Variants in CDC73 observed in about 807,000 individuals in gnomAD.
CDC73 encodes cell division cycle 73.
In CDC73, 21 loss-of-function variants were observed where a neutral mutation model predicts 83.7. The ratio of observed to expected loss-of-function variants is 0.25; its 90% CI spans 0.18 to 0.36. CDC73 has a LOEUF of 0.36. Among genes scored for constraint, CDC73 ranks in the 10% least tolerant of loss-of-function variants. CDC73 has a pLI of 1.00. For missense variants in CDC73, 342 were observed against 653.3 expected (o/e 0.52, Z 5.19); for synonymous variants, 224 against 212.9 (o/e 1.05, Z -0.45).
At chr1:193,160,141 AC>A (rs1280999426) in intron 10 of CDC73, among the ~76,000 whole-genome samples, 2 of 152,192 alleles carry the variant, frequency 1.3e-5, no homozygotes, top group African/African-American at 4.8e-5. Flanking sequence ...CTATTAGTTT[AC>A]CCAAAACATA....
In CDC73 at chr1:193,150,320, C is replaced by G. The variant is rs369024183; in HGVS notation, c.845C>G (p.Thr282Ser). 6.2e-7 allele frequency: 1 copy of G among 1,611,842 alleles called. No individual in the cohort carries two copies. Among genetic ancestry groups the G allele is most frequent in the East Asian group, 2.2e-5 (1 of 44,860 alleles). Residue 282 changes from threonine (T) to serine (S), a missense_variant, in exon 9 of 17, where the codon ACC (threonine) becomes AGC (serine). Transcript: ENST00000367435. ...TTTTTACAGGATCCCACTTTGCGCA[C>G]CAAACAGCCTATCCCAGCTGCCTAT... Reference protein sequence around the residue: ...NAAPVDPTLRTKQPIPAAYNR... With the variant: ...NAAPVDPTLRSKQPIPAAYNR...
intron 3 of CDC73, among the ~76,000 whole-genome samples, chr1:193,134,693 T>G (rs187363985): frequency 2.2e-4 from 33 of 152,242 alleles, no homozygotes; most frequent in Admixed American, 1.4e-3. Flanking sequence ...GGAAATGCTC[T>G]ACTTACTGAT....
At chr1:193,144,001 C>T (rs1053643938) in intron 7 of CDC73, among the ~76,000 whole-genome samples, 2 of 149,532 alleles carry the variant, frequency 1.3e-5, no homozygotes, top group African/African-American at 4.9e-5. Flanking sequence ...TCACAGCTAC[C>T]TGGGAGGCTG....
In CDC73 at chr1:193,254,117, CTT is replaced by C. The variant is rs886045735; in HGVS notation, c.*3409_*3410del. ...ATGCAAAATTATGAGTAAGATAAGTCTTTTTAAATTTTTTATTTTTAATTTTT... is the reference window on the plus strand; with the variant it reads ...ATGCAAAATTATGAGTAAGATAAGTCTTTAAATTTTTTATTTTTAATTTTT... On this transcript the variant is annotated 3_prime_UTR_variant, in exon 17 of 17. Coordinates refer to ENST00000367435, the MANE Select transcript of CDC73 (RefSeq NM_024529.5). Among the ~76,000 whole-genome samples the C allele has an allele frequency of 2.9e-4, 44 of 151,710 alleles. No individual in the cohort carries two copies. Among genetic ancestry groups the C allele is most frequent in the South Asian group, 6.2e-4 (3 of 4,812 alleles).
At chr1:193,173,136 C>T (rs1223212343) in intron 10 of CDC73, among the ~76,000 whole-genome samples, 6 of 152,190 alleles carry the variant, frequency 3.9e-5, no homozygotes, top group African/African-American at 1.4e-4. Context: ...GGTTTGCTCT[C>T]TGCAGGTTGT....
chr1:193,178,854 TTAA>T (rs1176979083), intron 10 of CDC73, among the ~76,000 whole-genome samples: 2 of 152,174 alleles, frequency 1.3e-5, no homozygotes, highest in African/African-American at 4.8e-5. Flanking sequence ...GATTTATCCC[TTAA>T]TAATAGAATA....
At chr1:193,246,778 C>T (rs577460914) in intron 15 of CDC73, among the ~76,000 whole-genome samples, 20 of 152,178 alleles carry the variant, frequency 1.3e-4, no homozygotes, top group African/African-American at 4.3e-4. Context: ...AGTGATTGTC[C>T]ATGTCACTTA....
chr1:193,122,649 C>T (rs1034549672), intron 1 of CDC73: 2 of 323,232 alleles, frequency 6.2e-6, no homozygotes, highest in Non-Finnish European at 1.2e-5. Flanking sequence ...GCAAGGGATA[C>T]CTGAACATAG....
chr1:193,212,751 A>AT (rs1254004520), intron 13 of CDC73, among the ~76,000 whole-genome samples: 5 of 152,054 alleles, frequency 3.3e-5, no homozygotes, highest in African/African-American at 1.2e-4. Context: ...TCTTTTGATG[A>AT]TTTTCTCTGA....
At chr1:193,237,421 G>C (rs894176410) in intron 15 of CDC73, among the ~76,000 whole-genome samples, 6 of 152,158 alleles carry the variant, frequency 3.9e-5, no homozygotes, top group African/African-American at 1.4e-4. Flanking sequence ...GGAAGGCTGG[G>C]AGGTTTTGCA....
chr1:193,159,198 G>C (rs899952739), intron 10 of CDC73, among the ~76,000 whole-genome samples: 1 of 152,112 alleles, frequency 6.6e-6, no homozygotes, highest in Non-Finnish European at 1.5e-5. Flanking sequence ...AGATAAAAGA[G>C]AGAACTTTAT....
At chr1:193,179,950 C>A (rs1194959973) in intron 10 of CDC73, 1 of 162,540 alleles carries the variant, frequency 6.2e-6, no homozygotes, top group Non-Finnish European at 1.3e-5. Context: ...GATCTTTTGA[C>A]TGTCATTTCT....
chr1:193,210,711 G>A (rs927032959), intron 11 of CDC73, among the ~76,000 whole-genome samples: 1 of 152,052 alleles, frequency 6.6e-6, no homozygotes, highest in African/African-American at 2.4e-5. Flanking sequence ...GTGACATTGC[G>A]AGACCCTGTT....
intron 10 of CDC73, among the ~76,000 whole-genome samples, chr1:193,194,042 T>C (rs1676962165): frequency 6.6e-6 from 1 of 152,178 alleles, no homozygotes; most frequent in Admixed American, 6.5e-5. Context: ...TACCCTGTGA[T>C]AGAAGGAACT....
intron 7 of CDC73, among the ~76,000 whole-genome samples, chr1:193,146,803 A>G (rs1676007892): frequency 6.6e-6 from 1 of 152,228 alleles, no homozygotes; most frequent in South Asian, 2.1e-4. Context: ...TTGCATTGTG[A>G]GTTGAAGAGC....
chr1:193,236,177 A>G (rs1677754626), intron 14 of CDC73, 79 bp from the exon 15 acceptor site: 4 of 864,754 alleles, frequency 4.6e-6, no homozygotes, highest in Non-Finnish European at 6.1e-6. Context: ...TGCCTAAGGG[A>G]TTTATAGTAG....
chr1:193,172,774 C>G (rs1200864187), intron 10 of CDC73, among the ~76,000 whole-genome samples: 2 of 152,086 alleles, frequency 1.3e-5, no homozygotes, highest in African/African-American at 4.8e-5. Context: ...AATAGAAGGC[C>G]TAAACTTGAT....
chr1:193,122,407 C>T (rs970785024), intron 1 of CDC73, 76 bp downstream of exon 1: 1 of 1,590,346 alleles, frequency 6.3e-7, no homozygotes, highest in African/African-American at 1.3e-5. Context: ...TTCTTAACCC[C>T]TCCCCCCGTT....
At chr1:193,216,555 C>CA (rs1267845646) in intron 13 of CDC73, among the ~76,000 whole-genome samples, 3 of 151,806 alleles carry the variant, frequency 2.0e-5, no homozygotes, top group Non-Finnish European at 4.4e-5. Flanking sequence ...GAAATCGCCC[C>CA]AAAAAATCAA....
Sources: allele counts gnomAD v4.1 joint callset (sites outside exome capture counted in the v4.1 genomes callset), GRCh38; gene constraint gnomAD v4.1.1; transcripts MANE v1.5; gene names NCBI Gene and HGNC (gene_info 2026-07-23, HGNC 2026-07-21).